The following KPNA5 variants were observed in gnomAD, a reference collection of about 807,000 sequenced individuals.
KPNA5 encodes the protein importin subunit alpha-6.
A neutral mutation model predicts 71.3 loss-of-function variants in KPNA5; 46 were observed. The observed-to-expected ratio is 0.65, with a 90% CI of 0.51 to 0.83. The LOEUF (loss-of-function observed/expected upper bound fraction) is 0.83, where lower values mean the gene tolerates loss of function less well. Ranked by LOEUF, KPNA5 falls within the 40% of genes least tolerant of loss-of-function variation. The pLI is 0.00. For missense variants in KPNA5, 547 were observed against 628.3 expected (o/e 0.87, Z 1.38); for synonymous variants, 207 against 201.4 (o/e 1.03, Z -0.24).
chr6:116,724,162 A>G (rs1779213371), intron 9 of KPNA5, 135 bp from the exon 10 acceptor site: 1 of 579,604 alleles, frequency 1.7e-6, no homozygotes, highest in Non-Finnish European at 3.1e-6. Flanking sequence ...TGTTATAAAG[A>G]TTATCAGAAT....
rs574308517 is a variant in KPNA5, at chr6:116,733,353, T to C, written c.*1030T>C. 6.6e-6 allele frequency: 1 copy of C among 151,706 alleles called. No individual in the cohort carries two copies. The highest frequency in any genetic ancestry group is 1.5e-5 in the Non-Finnish European group (1 of 67,692). 9.4% of individuals were successfully genotyped at this position (151,706 alleles called of 1,614,324 possible). A position where few individuals can be genotyped will look rare whatever the true frequency, so the allele number is the denominator to read the frequency against. ...TAACCTTATTATGTGTTAAATTGTA[T>C]TAAATGCATTTAACATTTGGATGCT... On this transcript the variant is annotated 3_prime_UTR_variant, in exon 14 of 14. Transcript: ENST00000368564.
intron 12 of KPNA5, among the ~76,000 whole-genome samples, chr6:116,727,767 G>C (rs1052142748): frequency 1.4e-4 from 21 of 152,114 alleles, no homozygotes; most frequent in African/African-American, 4.8e-4. Flanking sequence ...TTTATTATCA[G>C]TATTGATTCC....
Position 116,681,310 on chromosome 6 carries a change from C to T in KPNA5, c.-25C>T, listed in dbSNP as rs764038882. 4.3e-6 allele frequency: 7 copies of T among 1,610,426 alleles called. No individual in the cohort carries two copies. In the East Asian group the frequency reaches 1.6e-4, roughly 36 times the overall value. On this transcript the variant is annotated 5_prime_UTR_variant, in exon 1 of 14. Coordinates refer to ENST00000368564, the MANE Select transcript of KPNA5 (RefSeq NM_001366306.2). ...ACGTCGCCGCTGGGGACTGGGAAAT[C>T]AGGGCATCGGAGAGTGCCACATTAA... is the stretch of plus-strand genomic sequence containing the variant.
rs755805246 is a variant in KPNA5, at chr6:116,698,352, A to G, written c.341-352A>G. On this transcript the variant is annotated intron_variant, in intron 4 of 13. Transcript: ENST00000368564. ...ATGCTTAGAAATTGAGGGTAGTACTATAAAGAATTAGTGGAAACTTAATTC... is the reference window on the plus strand; with the variant it reads ...ATGCTTAGAAATTGAGGGTAGTACTGTAAAGAATTAGTGGAAACTTAATTC... 5.3e-5 allele frequency among the ~76,000 whole-genome samples: 8 copies of G among 152,068 alleles called. 1 individual carries two copies. Among genetic ancestry groups the G allele is most frequent in the Non-Finnish European group, 1.0e-4 (7 of 67,884 alleles).
intron 4 of KPNA5, among the ~76,000 whole-genome samples, chr6:116,693,797 A>G (rs1485495176): frequency 6.6e-6 from 1 of 151,468 alleles, no homozygotes; most frequent in Admixed American, 6.6e-5. Context: ...TGTTTTAGAC[A>G]TGAAGTCCTT....
chr6:116,691,665 T>A (rs751874976), intron 2 of KPNA5, among the ~76,000 whole-genome samples: 2 of 152,254 alleles, frequency 1.3e-5, no homozygotes, highest in Non-Finnish European at 2.9e-5. Context: ...ATGTATCAGA[T>A]GTTATCTTTC....
rs1562463867 is a variant in KPNA5, at chr6:116,741,333, T to C, written c.*9010T>C. On this transcript the variant is annotated 3_prime_UTR_variant, in exon 14 of 14. Transcript: ENST00000368564. ...TTTATATGTTTTTTACATTATTTTG[T>C]GCATAGAAATTTAGAATTACATCTT... The C allele has an allele frequency of 6.7e-6, 1 of 149,098 alleles. No individual in the cohort carries two copies. Among genetic ancestry groups the C allele is most frequent in the Non-Finnish European group, 1.5e-5 (1 of 67,448 alleles). The allele number at this position is 149,098 out of a possible 1,614,324, so 9.2% of individuals were successfully genotyped here. A position where few individuals can be genotyped will look rare whatever the true frequency, so the allele number is the denominator to read the frequency against.
intron 7 of KPNA5, among the ~76,000 whole-genome samples, chr6:116,710,037 G>T (rs1280367275): frequency 2.6e-5 from 4 of 152,182 alleles, no homozygotes; most frequent in Non-Finnish European, 5.9e-5. Context: ...GGGATTACAG[G>T]CATGAGTCAC....
At chr6:116,726,128 T>G (rs917680615) in intron 11 of KPNA5, among the ~76,000 whole-genome samples, 1 of 151,304 alleles carries the variant, frequency 6.6e-6, no homozygotes, top group Non-Finnish European at 1.5e-5. Context: ...TAGAAAGATA[T>G]TTTTTTGCAT....
Position 116,724,335 on chromosome 6 carries a change from C to T in KPNA5, c.959C>T (p.Ala320Val). Residue 320 changes from alanine to valine, a missense_variant, in exon 10 of 14, where the codon GCA (alanine) becomes GTA (valine). By Grantham distance (64) the Ala-to-Val change is moderately conservative. Coordinates refer to ENST00000368564, the MANE Select transcript of KPNA5 (RefSeq NM_001366306.2). ...AAAGTTGTATCACCTGCATTAAGGG[C>T]AGTTGGTAATATTGTGACTGGTGAT... ...DYKVVSPALRAVGNIVTGDDI... is the reference protein window; with the variant it reads ...DYKVVSPALRVVGNIVTGDDI... 1 of 1,610,646 alleles carries T rather than the reference C, an allele frequency of 6.2e-7. No individual in the cohort carries two copies. The highest frequency in any genetic ancestry group is 8.5e-7 in the Non-Finnish European group (1 of 1,177,312).
chr6:116,740,197 A>G lies in KPNA5; in HGVS notation c.*7874A>G, dbSNP rs960306576. Reference sequence around the variant, plus strand: ...AAGTGGGTGAAGGACATGAACAGACACTTCTCAAAAGAAGACATTTATGCA... The same window carrying G: ...AAGTGGGTGAAGGACATGAACAGACGCTTCTCAAAAGAAGACATTTATGCA... On this transcript the variant is annotated 3_prime_UTR_variant, in exon 14 of 14. Coordinates refer to ENST00000368564, the MANE Select transcript of KPNA5 (RefSeq NM_001366306.2). 3.9e-5 allele frequency: 6 copies of G among 152,222 alleles called. No homozygotes were observed. The highest frequency in any genetic ancestry group is 1.3e-4 in the Admixed American group (2 of 15,278). 9.4% of individuals were successfully genotyped at this position (152,222 alleles called of 1,614,324 possible). A position where few individuals can be genotyped will look rare whatever the true frequency, so the allele number is the denominator to read the frequency against.
In KPNA5 at chr6:116,724,429, TTA is replaced by T; in HGVS notation, c.999+56_999+57del. 4.2e-6 allele frequency: 5 copies of T among 1,189,032 alleles called. No individual in the cohort carries two copies. In the South Asian group the frequency reaches 6.3e-5, roughly 15 times the overall value. 73.7% of individuals were successfully genotyped at this position (1,189,032 alleles called of 1,614,324 possible). A position where few individuals can be genotyped will look rare whatever the true frequency, so the allele number is the denominator to read the frequency against. On this transcript the variant is annotated intron_variant, in intron 10 of 13. Transcript: ENST00000368564. ...GTTAACATAAAGGACTTTAAAAAAT[TTA>T]TGTTTCATACAACTTGATTACATAT...
rs769754061 is a variant in KPNA5, at chr6:116,724,316, G to T, written c.940G>T (p.Val314Leu). ...ELLMHNDYKV[V>L]SPALRAVGNI... is the part of the protein sequence containing the mutation. ...TTTTAGGCACAATGATTATAAAGTT[G>T]TATCACCTGCATTAAGGGCAGTTGG... The change falls in exon 10 of 14, where the codon GTA (valine) becomes TTA (leucine). Residue 314 changes from valine (V) to leucine (L), a missense_variant. Transcript: ENST00000368564. 6.2e-7 allele frequency: 1 copy of T among 1,607,814 alleles called. No homozygotes were observed. The highest frequency in any genetic ancestry group is 1.1e-5 in the South Asian group (1 of 90,696).
At chr6:116,703,330 T>G (rs1336624949) in intron 6 of KPNA5, among the ~76,000 whole-genome samples, 2 of 151,822 alleles carry the variant, frequency 1.3e-5, no homozygotes, top group East Asian at 3.9e-4. Context: ...TGGCGCGATC[T>G]CGGCTCACTG....
intron 6 of KPNA5, among the ~76,000 whole-genome samples, chr6:116,703,689 G>C (rs1246204681): frequency 6.6e-6 from 1 of 151,984 alleles, no homozygotes; most frequent in African/African-American, 2.4e-5. Context: ...TTAGTTTAAA[G>C]GTTTTTCTTA....
chr6:116,726,465 G>A (rs201452063), intron 11 of KPNA5, 30 bp from the exon 12 acceptor site: 8 of 1,584,054 alleles, frequency 5.1e-6, no homozygotes, highest in African/African-American at 2.7e-5. Flanking sequence ...AACAGTATTT[G>A]TACTGATTAT....
intron 1 of KPNA5, among the ~76,000 whole-genome samples, chr6:116,687,595 G>A (rs1422814740): frequency 2.0e-5 from 3 of 152,224 alleles, no homozygotes; most frequent in South Asian, 2.1e-4. Context: ...GAAACAAGCC[G>A]ATATGTAAAC....
At chr6:116,716,346 A>C (rs1778887066) in intron 8 of KPNA5, 28 bp downstream of exon 8, 1 of 1,447,740 alleles carries the variant, frequency 6.9e-7, no homozygotes, top group South Asian at 1.2e-5. Context: ...AAATTAAAAT[A>C]TTTGTTTCCA....
intron 1 of KPNA5, 108 bp from the exon 2 acceptor site, chr6:116,689,212 G>A: frequency 1.7e-6 from 2 of 1,168,510 alleles, no homozygotes; most frequent in Non-Finnish European, 2.4e-6. Context: ...AATGGGTTTT[G>A]TTGACCTGTT....
Sources: gnomAD v4.1 joint callset for allele counts (sites outside exome capture counted in the v4.1 genomes callset) on GRCh38, gnomAD v4.1.1 for gene constraint, MANE v1.5 for transcripts, NCBI Gene and HGNC (gene_info 2026-07-23, HGNC 2026-07-21) for gene names.